PAX3: variants seen among roughly 807,000 people sequenced by gnomAD.
PAX3 encodes the protein paired box 3.
Under a neutral mutation model 51.6 loss-of-function variants are expected in PAX3, and 14 were observed. The observed-to-expected ratio is 0.27, with a 90% CI of 0.18 to 0.42. The LOEUF (loss-of-function observed/expected upper bound fraction) is 0.42. PAX3 is among the 10% of genes least tolerant of loss of function. The pLI, the probability that PAX3 is intolerant of heterozygous loss-of-function variation, is 1.00. For synonymous variants in PAX3, 280 were observed against 253.4 expected, an observed-to-expected ratio of 1.11 and a Z score of -1.00; for missense variants, 540 against 642.8, an observed-to-expected ratio of 0.84 and a Z score of 1.73.
At chr2:222,295,091 C>T (rs1337462059) in intron 3 of PAX3, among the ~76,000 whole-genome samples, 4 of 152,098 alleles carry the variant, frequency 2.6e-5, no homozygotes, top group Non-Finnish European at 2.9e-5. Context: ...TCCGGACCGT[C>T]CCTGAGACTC....
chr2:222,256,581 A>G (rs552264013), intron 4 of PAX3, among the ~76,000 whole-genome samples: 7 of 152,194 alleles, frequency 4.6e-5, no homozygotes, highest in South Asian at 2.1e-4. Context: ...TCTCTACTGC[A>G]AGGAATTAAC....
At chr2:222,245,298 A>G (rs568235848) in intron 4 of PAX3, among the ~76,000 whole-genome samples, 1 of 152,374 alleles carries the variant, frequency 6.6e-6, no homozygotes, top group African/African-American at 2.4e-5. Flanking sequence ...ACATGCCAAC[A>G]TTTAGTTTGA....
At chr2:222,288,741 A>T (rs1694922701) in intron 4 of PAX3, among the ~76,000 whole-genome samples, 1 of 152,242 alleles carries the variant, frequency 6.6e-6, no homozygotes, top group African/African-American at 2.4e-5. Context: ...ATAATTAAAA[A>T]CACCCCATGA....
At chr2:222,229,874 G>T (rs77337416) in intron 5 of PAX3, among the ~76,000 whole-genome samples, 1 of 152,056 alleles carries the variant, frequency 6.6e-6, no homozygotes, top group Non-Finnish European at 1.5e-5. Context: ...TATCTAGCCC[G>T]GAAAGTTCAT....
chr2:222,297,743 C>G (rs1343251399), intron 1 of PAX3, among the ~76,000 whole-genome samples: 1 of 152,240 alleles, frequency 6.6e-6, no homozygotes, highest in Non-Finnish European at 1.5e-5. Flanking sequence ...GCCTGTGTCA[C>G]CTGTTACATC....
intron 7 of PAX3, among the ~76,000 whole-genome samples, chr2:222,203,012 C>CATATATAT (rs71053057): frequency 0.032 from 1,305 of 41,006 alleles, 150 homozygotes; most frequent in East Asian, 0.081. Context: ...ACAACCATTT[C>CATATATAT]ATATATATAT....
chr2:222,260,586 T>G (rs1574708432), intron 4 of PAX3, among the ~76,000 whole-genome samples: 71 of 53,662 alleles, frequency 1.3e-3, no homozygotes, highest in African/African-American at 4.5e-3. Flanking sequence ...TTGTTTTTTT[T>G]TTTTGTTTTT....
At chr2:222,243,426 C>T (rs763000544) in intron 4 of PAX3, among the ~76,000 whole-genome samples, 1 of 152,160 alleles carries the variant, frequency 6.6e-6, no homozygotes, top group African/African-American at 2.4e-5. Flanking sequence ...GTCCTTTGCA[C>T]TAGGGATGCA....
chr2:222,226,570 C>G (rs1479872967), intron 5 of PAX3, among the ~76,000 whole-genome samples: 1 of 151,990 alleles, frequency 6.6e-6, no homozygotes, highest in Non-Finnish European at 1.5e-5. Flanking sequence ...TTAGGATATT[C>G]TATACCTATC....
chr2:222,273,644 GC>G (rs2106162862), intron 4 of PAX3, among the ~76,000 whole-genome samples: 1 of 152,256 alleles, frequency 6.6e-6, no homozygotes, highest in Non-Finnish European at 1.5e-5. Flanking sequence ...ATCCATCCTA[GC>G]TTTTAAGTCA....
chr2:222,272,983 A>C (rs577912363), intron 4 of PAX3, among the ~76,000 whole-genome samples: 1 of 152,318 alleles, frequency 6.6e-6, no homozygotes, highest in African/African-American at 2.4e-5. Context: ...TCTGAACCGT[A>C]TTCATGTTCA....
At chr2:222,256,099 C>A (rs1693633856) in intron 4 of PAX3, among the ~76,000 whole-genome samples, 1 of 151,948 alleles carries the variant, frequency 6.6e-6, no homozygotes, top group Non-Finnish European at 1.5e-5. Context: ...AAGTTGTTAG[C>A]ACCTACCTTG....
At chr2:222,243,717 C>T (rs897792355) in intron 4 of PAX3, among the ~76,000 whole-genome samples, 1 of 152,198 alleles carries the variant, frequency 6.6e-6, no homozygotes. Context: ...TGTTTCTTTG[C>T]TTCCCATCTT....
intron 4 of PAX3, among the ~76,000 whole-genome samples, chr2:222,281,362 G>A (rs1694639117): frequency 1.3e-5 from 2 of 152,188 alleles, no homozygotes; most frequent in Non-Finnish European, 2.9e-5. Flanking sequence ...ATGAATTTAT[G>A]TTCCACTTCC....
At chr2:222,265,374 A>G (rs1311528214) in intron 4 of PAX3, among the ~76,000 whole-genome samples, 3 of 152,092 alleles carry the variant, frequency 2.0e-5, no homozygotes, top group Non-Finnish European at 2.9e-5. Flanking sequence ...TTGGAGCAAG[A>G]TTTTTCTTCT....
chr2:222,293,239 G>A (rs1695110088), intron 4 of PAX3, among the ~76,000 whole-genome samples: 1 of 152,120 alleles, frequency 6.6e-6, no homozygotes, highest in Non-Finnish European at 1.5e-5. Flanking sequence ...TTGAAGAGGG[G>A]CAACCACCCC....
At chr2:222,284,624 T>C (rs1694769045) in intron 4 of PAX3, among the ~76,000 whole-genome samples, 1 of 151,906 alleles carries the variant, frequency 6.6e-6, no homozygotes, top group African/African-American at 2.4e-5. Flanking sequence ...TGTGTGTGTG[T>C]GTGTGTGTGT....
Position 222,298,273 on chromosome 2 carries a change from A to C in PAX3, c.85+258T>G, listed in dbSNP as rs1574774604. ...TCCTTCTCCACCGCGGCATTTCCAA[A>C]ACAACAGGGACAAGTCTCCCCGGCT... is the stretch of plus-strand genomic sequence containing the variant. On this transcript the variant is annotated intron_variant, in intron 1 of 8. Transcript: ENST00000392070. 14 of 518,112 alleles carry C rather than the reference A, an allele frequency of 2.7e-5. No individual in the cohort carries two copies. In the South Asian group the frequency reaches 3.9e-4, roughly 14 times the overall value. 32.1% of individuals were successfully genotyped at this position (518,112 alleles called of 1,614,324 possible).
chr2:222,233,022 G>C (rs1559273079), intron 4 of PAX3: 1 of 143,054 alleles, frequency 7.0e-6, no homozygotes, highest in East Asian at 2.2e-4. Flanking sequence ...CTAGAGTCTG[G>C]GTCTCTGCTG....
Sources: allele counts gnomAD v4.1 joint callset (sites outside exome capture counted in the v4.1 genomes callset), GRCh38; gene constraint gnomAD v4.1.1; transcripts MANE v1.5; gene names NCBI Gene and HGNC (gene_info 2026-07-23, HGNC 2026-07-21).